SLC7A5: variants seen among roughly 807,000 people sequenced by gnomAD.
SLC7A5 encodes large neutral amino acids transporter small subunit 1.
In SLC7A5, 23 loss-of-function variants were observed where a neutral mutation model predicts 50.2. The observed-to-expected ratio is 0.46, with a 90% CI of 0.33 to 0.65. The LOEUF (loss-of-function observed/expected upper bound fraction) is 0.65, where lower values mean the gene tolerates loss of function less well. Among genes scored for constraint, SLC7A5 ranks in the 30% least tolerant of loss-of-function variants. The pLI is 0.02. For missense variants in SLC7A5, 578 were observed against 684.4 expected (o/e 0.84, Z 1.73); for synonymous variants, 393 against 330.6 (o/e 1.19, Z -2.05).
rs560359728 is a variant in SLC7A5, at chr16:87,869,266, G to C, written c.157C>G (p.Leu53Val). 4 of 1,612,434 alleles carry C rather than the reference G, an allele frequency of 2.5e-6. No homozygotes were observed. In the Admixed American group the frequency reaches 5.0e-5, roughly 20 times the overall value. Residue 53 changes from leucine to valine, a missense_variant, in exon 1 of 10, where the codon CTC becomes GTC. Transcript: ENST00000261622. Reference sequence around the variant, plus strand: ...CCCACGATGATGGCCACGCCGTTGAGCAGCGTGATGTTCCGCTGCAGGGTC... The same window carrying C: ...CCCACGATGATGGCCACGCCGTTGACCAGCGTGATGTTCCGCTGCAGGGTC... ...GVTLQRNITL[L>V]NGVAIIVGTI... is the part of the protein sequence containing the mutation.
At position 87,850,731 on chromosome 16, in the gene SLC7A5, G is replaced by A. The variant is rs142241726; in HGVS notation, c.664+993C>T. ...CCCCACTTCAACTGTACCCAACCAC[G>A]GGTGGGATCCAGTGCCAAGGACAGT... On this transcript the variant is annotated intron_variant, in intron 2 of 9. Transcript: ENST00000261622. Among the ~76,000 whole-genome samples the A allele has an allele frequency of 5.7e-3, 869 of 152,310 alleles. 7 individuals carry two copies. The highest frequency in any genetic ancestry group is 8.6e-3 in the Non-Finnish European group (584 of 68,026).
Position 87,860,497 on chromosome 16 carries a change from A to T in SLC7A5, c.538+8388T>A, listed in dbSNP as rs1460383124. Among the ~76,000 whole-genome samples, 1 of 152,118 alleles carries T rather than the reference A, an allele frequency of 6.6e-6. No homozygotes were observed. Among genetic ancestry groups the T allele is most frequent in the Non-Finnish European group, 1.5e-5 (1 of 68,016 alleles). The stretch of plus-strand genomic sequence containing the variant: ...TCCCGCCTTTCTCGGCAGAACCAAC[A>T]AATACCTTTCATGTACTGACTGATG... On this transcript the variant is annotated intron_variant, in intron 1 of 9. Coordinates refer to ENST00000261622, the MANE Select transcript of SLC7A5 (RefSeq NM_003486.7). The surrounding 1 kb of genome is among the most constrained non-coding windows in gnomAD (Gnocchi z 4.8).
At chr16:87,851,639 C>A (rs953809959) in intron 2 of SLC7A5, 85 bp downstream of exon 2, 1 of 1,533,398 alleles carries the variant, frequency 6.5e-7, no homozygotes, top group Non-Finnish European at 8.9e-7. Flanking sequence ...CTGGGAGGCA[C>A]CCGGGGACGG....
At chr16:87,839,898 G>C (rs1042799536) in intron 4 of SLC7A5, 73 bp from the exon 5 acceptor site, 3 of 1,600,168 alleles carry the variant, frequency 1.9e-6, no homozygotes, top group Non-Finnish European at 2.6e-6. Flanking sequence ...CCAGGAGCCA[G>C]GTGGGCTCCT....
At position 87,849,638 on chromosome 16, in the gene SLC7A5, A is replaced by G. The variant is rs139425881; in HGVS notation, c.664+2086T>C. Among the ~76,000 whole-genome samples, 752 of 152,270 alleles carry G rather than the reference A, an allele frequency of 4.9e-3. 13 individuals carry two copies. Among genetic ancestry groups the G allele is most frequent in the African/African-American group, 0.017 (702 of 41,542 alleles). Reference sequence around the variant, plus strand: ...CAGGATGGATTTGTCTCCTGCCCGTAAAATGTCACTCAGGCCCAACCACCT... The same window carrying G: ...CAGGATGGATTTGTCTCCTGCCCGTGAAATGTCACTCAGGCCCAACCACCT... On this transcript the variant is annotated intron_variant, in intron 2 of 9. Coordinates refer to ENST00000261622, the MANE Select transcript of SLC7A5 (RefSeq NM_003486.7).
At chr16:87,856,109 G>A (rs771202542) in intron 1 of SLC7A5, among the ~76,000 whole-genome samples, 17 of 152,122 alleles carry the variant, frequency 1.1e-4, no homozygotes, top group Non-Finnish European at 1.9e-4. Context: ...CCAGGCAGGC[G>A]TCCAGCCCAG....
intron 8 of SLC7A5, 125 bp from the exon 9 acceptor site, chr16:87,834,716 T>A: frequency 1.1e-6 from 1 of 947,304 alleles, no homozygotes; most frequent in Non-Finnish European, 1.7e-6. Context: ...GTCACCAAGA[T>A]GCGATCTGCA....
intron 1 of SLC7A5, among the ~76,000 whole-genome samples, chr16:87,866,762 G>C (rs942668208): frequency 2.6e-5 from 4 of 152,004 alleles, no homozygotes; most frequent in African/African-American, 9.7e-5. Context: ...CACAGTGCCT[G>C]GCTGGTTTGA....
At position 87,834,207 on chromosome 16, in the gene SLC7A5, G is replaced by A. The variant is rs112597310; in HGVS notation, c.1468+207C>T. Among the ~76,000 whole-genome samples the A allele has an allele frequency of 1.5e-4, 23 of 152,312 alleles. No homozygotes were observed. The South Asian group carries it at 1.9e-3, about 12-fold the overall frequency. ...GTAGCCTGGTTTTCCGGAATCCCTC[G>A]TCCTGAGAGATTAGCTGGTGCTGCG... On this transcript the variant is annotated intron_variant, in intron 9 of 9. Coordinates refer to ENST00000261622, the MANE Select transcript of SLC7A5 (RefSeq NM_003486.7).
intron 8 of SLC7A5, among the ~76,000 whole-genome samples, chr16:87,835,848 C>T (rs2054996082): frequency 2.0e-5 from 3 of 152,198 alleles, no homozygotes; most frequent in Admixed American, 1.3e-4. Flanking sequence ...AGAGATGGTC[C>T]GGGCAGGGAA....
At chr16:87,839,982 C>T (rs113515563) in intron 4 of SLC7A5, among the ~76,000 whole-genome samples, 157 bp from the exon 5 acceptor site, 28 of 152,288 alleles carry the variant, frequency 1.8e-4, no homozygotes, top group South Asian at 1.4e-3. Context: ...CACAGGCTGG[C>T]GGCAGGAGGC....
At chr16:87,868,035 T>C (rs1762592925) in intron 1 of SLC7A5, among the ~76,000 whole-genome samples, 1 of 146,358 alleles carries the variant, frequency 6.8e-6, no homozygotes, top group Non-Finnish European at 1.5e-5. Context: ...GAGAATGGCA[T>C]GAACCTGGGA....
rs2055085177 is a variant in SLC7A5 at position 87,841,710 on chromosome 16, C to CGGGGCA, written c.665-561_665-556dup. On this transcript the variant is annotated intron_variant, in intron 2 of 9. Transcript: ENST00000261622. The surrounding 1 kb of genome is among the most constrained non-coding windows in gnomAD (Gnocchi z 4.8). ...TGCTGAGTGTGTGGCCAGCTGCAGC[C>CGGGGCA]GGGGCAGGGGCAGGAGCAGGGCTGC... Among the ~76,000 whole-genome samples, 1 of 152,162 alleles carries CGGGGCA rather than the reference C, an allele frequency of 6.6e-6. No individual in the cohort carries two copies. Among genetic ancestry groups the CGGGGCA allele is most frequent in the African/African-American group, 2.4e-5 (1 of 41,436 alleles).
At position 87,869,312 on chromosome 16, in the gene SLC7A5, C is replaced by G. The variant is rs774431087; in HGVS notation, c.111G>C (p.Pro37=). Residue 37 remains proline (P), a synonymous_variant, in exon 1 of 10, where the codon CCG becomes CCC. Transcript: ENST00000261622. ...LAAKSADGSA[P]AGEGEGVTLQ... ...GGGTCACGCCCTCGCCCTCGCCTGC[C>G]GGCGCCGAGCCGTCCGCGCTCTTGG... 48 of 1,610,864 alleles carry G rather than the reference C, an allele frequency of 3.0e-5. No homozygotes were observed. The highest frequency in any genetic ancestry group is 2.9e-4 in the East Asian group (13 of 44,866).
At position 87,833,775 on chromosome 16, in the gene SLC7A5, G is replaced by A. The variant is rs111477451; in HGVS notation, c.1468+639C>T. ...GCCTGGCCACATTTGCAGGCGCTGA[G>A]GACGGGGTCCTGAGCTTGGTGACAA... On this transcript the variant is annotated intron_variant, in intron 9 of 9. Coordinates refer to ENST00000261622, the MANE Select transcript of SLC7A5 (RefSeq NM_003486.7). This position sits in a 1 kb window ranked among gnomAD's most constrained non-coding sequence, Gnocchi z 6.0. Among the ~76,000 whole-genome samples the A allele has an allele frequency of 0.03, 4,620 of 152,038 alleles. 218 individuals carry two copies. The highest frequency in any genetic ancestry group is 0.095 in the African/African-American group (3,948 of 41,450).
At chr16:87,856,639 CTTT>C in intron 1 of SLC7A5, among the ~76,000 whole-genome samples, 1 of 152,350 alleles carries the variant, frequency 6.6e-6, no homozygotes, top group Non-Finnish European at 1.5e-5. Context: ...GAGACAGCTT[CTTT>C]GTCGGAATCC....
chr16:87,856,235 C>G lies in SLC7A5; in HGVS notation c.539-4386G>C, dbSNP rs569230885. ...ATCTGTAATGACAGGCTGTGTTCCG[C>G]GCACGGTTTCAGAGTCTGTCCAGAG... On this transcript the variant is annotated intron_variant, in intron 1 of 9. Coordinates refer to ENST00000261622, the MANE Select transcript of SLC7A5 (RefSeq NM_003486.7). Among the ~76,000 whole-genome samples the G allele has an allele frequency of 2.0e-5, 3 of 152,338 alleles. No homozygotes were observed. The East Asian group carries it at 5.8e-4, about 29-fold the overall frequency.
At chr16:87,867,023 C>G (rs1479939522) in intron 1 of SLC7A5, among the ~76,000 whole-genome samples, 1 of 151,872 alleles carries the variant, frequency 6.6e-6, no homozygotes. Context: ...CCTCCACATC[C>G]CGGAGCATGC....
At position 87,830,816 on chromosome 16, in the gene SLC7A5, A is replaced by G. The variant is rs2054925999; in HGVS notation, c.*2154T>C. The G allele has an allele frequency of 6.6e-6, 1 of 152,400 alleles. No individual in the cohort carries two copies. The highest frequency in any genetic ancestry group is 1.5e-5 in the Non-Finnish European group (1 of 68,152). The allele number at this position is 152,400 out of a possible 1,614,324, so 9.4% of individuals were successfully genotyped here. On this transcript the variant is annotated 3_prime_UTR_variant, in exon 10 of 10. Coordinates refer to ENST00000261622, the MANE Select transcript of SLC7A5 (RefSeq NM_003486.7). ...CCACAGCCGCAGCAGCCAACAGGCA[A>G]GTGCGTGCCGTCGAGAGGCCGCCGG...
Sources: allele counts gnomAD v4.1 joint callset (sites outside exome capture counted in the v4.1 genomes callset), GRCh38; gene constraint gnomAD v4.1.1; non-coding constraint Gnocchi (gnomAD v3.1); transcripts MANE v1.5; gene names NCBI Gene and HGNC (gene_info 2026-07-23, HGNC 2026-07-21).